NELFE: variants seen among roughly 807,000 people sequenced by gnomAD.
NELFE encodes negative elongation factor E.
NELFE carries 26 observed loss-of-function variants against 55.5 expected under a neutral mutation model. The observed-to-expected ratio is 0.47, with a 90% CI of 0.34 to 0.65. The LOEUF is 0.65. Ranked by LOEUF, NELFE falls within the 30% of genes least tolerant of loss-of-function variation. The pLI, the probability that NELFE is intolerant of heterozygous loss-of-function variation, is 0.01. For synonymous variants in NELFE, 162 were observed against 178.0 expected (o/e 0.91, Z 0.72); for missense variants, 403 against 506.9 (o/e 0.80, Z 1.97).
At position 31,954,951 on chromosome 6, in the gene NELFE, T is replaced by C; in HGVS notation, c.405-59A>G. ...TTTTACCTTCTCCCCTCAGACCCTG[T>C]GGAGACTCAATATTCCCTCTATAGC... is the stretch of plus-strand genomic sequence containing the variant. On this transcript the variant is annotated intron_variant, in intron 6 of 10. Coordinates refer to ENST00000375429, the MANE Select transcript of NELFE (RefSeq NM_002904.6). This position sits in a 1 kb window ranked among gnomAD's most constrained non-coding sequence, Gnocchi z 5.5. 1 of 1,606,376 alleles carries C rather than the reference T, an allele frequency of 6.2e-7. No homozygotes were observed. The highest frequency in any genetic ancestry group is 1.3e-5 in the African/African-American group (1 of 74,686).
rs1296726243 is a variant in NELFE at position 31,954,850 on chromosome 6, A to G, written c.447T>C (p.Asp149=). ...SSDRLRELGP[D]GEEAEGPGAG... is the part of the protein sequence containing the mutation. ...CCCCTGGGCCCTCTGCCTCTTCTCC[A>G]TCTGGTCCTAGTTCTCGAAGTCGAT... Residue 149 remains aspartate (D), a synonymous_variant, in exon 7 of 11, where the codon GAT becomes GAC. Transcript: ENST00000375429. This position sits in a 1 kb window ranked among gnomAD's most constrained non-coding sequence, Gnocchi z 5.5. 6.3e-7 allele frequency: 1 copy of G among 1,576,594 alleles called. No homozygotes were observed. The highest frequency in any genetic ancestry group is 8.6e-7 in the Non-Finnish European group (1 of 1,163,682).
chr6:31,956,859 G>C (rs763960201), intron 3 of NELFE, 21 bp from the exon 4 acceptor site: 1 of 1,613,058 alleles, frequency 6.2e-7, no homozygotes, highest in Non-Finnish European at 8.5e-7. Context: ...AAGGGGAAGA[G>C]GCATTATGTT....
At position 31,956,819 on chromosome 6, in the gene NELFE, G is replaced by A. The variant is rs1211587481; in HGVS notation, c.165C>T (p.Val55=). The change falls in exon 4 of 11, where the codon GTC becomes GTT. Residue 55 remains valine, a synonymous_variant. Transcript: ENST00000375429. ...GCTCTGTTGCTGTGGCTGTGTCCAT[G>A]ACAGGCTGCTCTGATAGTGCTGGAG... The part of the protein sequence containing the change: ...GVKRSLSEQP[V]MDTATATEQA... The A allele has an allele frequency of 1.2e-6, 2 of 1,613,046 alleles. No homozygotes were observed. The highest frequency in any genetic ancestry group is 2.2e-5 in the East Asian group (1 of 44,884).
Position 31,953,796 on chromosome 6 carries a change from T to C in NELFE, c.978A>G (p.Lys326=). 2 of 1,613,064 alleles carry C rather than the reference T, an allele frequency of 1.2e-6. No individual in the cohort carries two copies. The highest frequency in any genetic ancestry group is 1.7e-6 in the Non-Finnish European group (2 of 1,180,022). Residue 326 remains lysine, a synonymous_variant, in exon 10 of 11, where the codon AAA becomes AAG. Coordinates refer to ENST00000375429, the MANE Select transcript of NELFE (RefSeq NM_002904.6). ...TGGGCTGTTTTCGGGCTATGTTGACTTTGAGCTGTACAGACTCCACCTGGG... is the reference window on the plus strand; with the variant it reads ...TGGGCTGTTTTCGGGCTATGTTGACCTTGAGCTGTACAGACTCCACCTGGG... The part of the protein sequence containing the change: ...NGTQVESVQL[K]VNIARKQPML...
At chr6:31,955,710 G>A (rs560940638) in intron 4 of NELFE, among the ~76,000 whole-genome samples, 7 of 150,082 alleles carry the variant, frequency 4.7e-5, no homozygotes, top group Non-Finnish European at 7.4e-5. Flanking sequence ...CTCCTACCTC[G>A]GCCTCCTAAA....
In NELFE at chr6:31,954,288, T is replaced by A; in HGVS notation, c.887+10A>T. ...CAGGACTTCTCATCATGCCCTGTTG[T>A]CATCCTTACTTTCTGGGTGGGTCCA... is the stretch of plus-strand genomic sequence containing the variant. On this transcript the variant is annotated intron_variant, in intron 8 of 10. Coordinates refer to ENST00000375429, the MANE Select transcript of NELFE (RefSeq NM_002904.6). This position sits in a 1 kb window ranked among gnomAD's most constrained non-coding sequence, Gnocchi z 5.5. The A allele has an allele frequency of 6.2e-7, 1 of 1,608,754 alleles. No homozygotes were observed. Among genetic ancestry groups the A allele is most frequent in the Non-Finnish European group, 8.5e-7 (1 of 1,177,392 alleles).
chr6:31,953,760 G>A lies in NELFE; in HGVS notation c.1014C>T (p.Ala338=), dbSNP rs776071070. 1.4e-5 allele frequency: 22 copies of A among 1,612,906 alleles called. No individual in the cohort carries two copies. The highest frequency in any genetic ancestry group is 8.3e-5 in the Admixed American group (5 of 59,994). Reference sequence around the variant, plus strand: ...AGCCCCAGACAGACTTGCCAGTAGCGGCATCCAGCATGGGCTGTTTTCGGG... The same window carrying A: ...AGCCCCAGACAGACTTGCCAGTAGCAGCATCCAGCATGGGCTGTTTTCGGG... ...NIARKQPMLD[A]ATGKSVWGSL... is the part of the protein sequence containing the mutation. Residue 338 remains alanine (A), a synonymous_variant, in exon 10 of 11, where the codon GCC becomes GCT. Coordinates refer to ENST00000375429, the MANE Select transcript of NELFE (RefSeq NM_002904.6).
Position 31,953,835 on chromosome 6 carries a change from A to C in NELFE, c.943-4T>G, listed in dbSNP as rs1412206413. 6.2e-7 allele frequency: 1 copy of C among 1,612,086 alleles called. No individual in the cohort carries two copies. The highest frequency in any genetic ancestry group is 8.5e-7 in the Non-Finnish European group (1 of 1,179,226). ...ACTCCACCTGGGTCCCGTTGAGCTG[A>C]AGCAGAAGAGGGGAGGCAGAGGATG... On this transcript the variant is annotated splice_polypyrimidine_tract_variant and splice_region_variant and intron_variant, in intron 9 of 10. Transcript: ENST00000375429.
At chr6:31,958,201 G>A (rs1772209643) in intron 2 of NELFE, 171 bp downstream of exon 2, 1 of 641,384 alleles carries the variant, frequency 1.6e-6, no homozygotes, top group Non-Finnish European at 2.8e-6. Context: ...AGAAAAGACA[G>A]AAGGTCCACA....
chr6:31,952,255 G>T lies in NELFE; in HGVS notation c.*46C>A. Reference sequence around the variant, plus strand: ...AGCTTCCACCTCAGTGTTTTACTGAGACCAGCATTGGGGCATATGAGGCAC... The same window carrying T: ...AGCTTCCACCTCAGTGTTTTACTGATACCAGCATTGGGGCATATGAGGCAC... On this transcript the variant is annotated 3_prime_UTR_variant, in exon 11 of 11. Transcript: ENST00000375429. 6.6e-7 allele frequency: 1 copy of T among 1,522,610 alleles called. No homozygotes were observed. Among genetic ancestry groups the T allele is most frequent in the Non-Finnish European group, 9.1e-7 (1 of 1,101,272 alleles). The allele number at this position is 1,522,610 out of a possible 1,614,324, so 94.3% of individuals were successfully genotyped here.
chr6:31,957,214 C>T (rs1454808067), intron 2 of NELFE: 1 of 618,804 alleles, frequency 1.6e-6, no homozygotes, highest in African/African-American at 1.8e-5. Flanking sequence ...CCACGGAACC[C>T]AGAGGTTTTC....
chr6:31,957,324 T>A, intron 2 of NELFE: 1 of 587,288 alleles, frequency 1.7e-6, no homozygotes, highest in Non-Finnish European at 3.2e-6. Context: ...GTGCCTTTCC[T>A]GGAAGCTTCA....
chr6:31,955,421 C>G, intron 4 of NELFE, 128 bp from the exon 5 acceptor site: 1 of 589,998 alleles, frequency 1.7e-6, no homozygotes, highest in African/African-American at 1.9e-5. Context: ...ATTCTACATA[C>G]ATTTCTTATT....
At position 31,954,601 on chromosome 6, in the gene NELFE, CCTGTCCCGTTCCCGGTCT is replaced by C. The variant is rs1226939702; in HGVS notation, c.678_695del (p.Glu235_Arg240del). 1 of 1,597,800 alleles carries C rather than the reference CCTGTCCCGTTCCCGGTCT, an allele frequency of 6.3e-7. No homozygotes were observed. The highest frequency in any genetic ancestry group is 8.5e-7 in the Non-Finnish European group (1 of 1,172,208). On this transcript the variant is annotated inframe_deletion, in exon 7 of 11. Coordinates refer to ENST00000375429, the MANE Select transcript of NELFE (RefSeq NM_002904.6). The surrounding 1 kb of genome is among the most constrained non-coding windows in gnomAD (Gnocchi z 5.5). ...CTCGGTCTCGATCCCGCTCCCGATC[CCTGTCCCGTTCCCGGTCT>C]CGATCTCGATCCCGATCCCGATCCC...
intron 1 of NELFE, chr6:31,958,663 A>G (rs1772246798): frequency 1.4e-6 from 1 of 703,560 alleles, no homozygotes; most frequent in Non-Finnish European, 2.6e-6. Context: ...GATCACAGAC[A>G]CCAGCACCTT....
intron 2 of NELFE, chr6:31,957,477 A>G (rs1237943626): frequency 6.5e-6 from 3 of 458,698 alleles, no homozygotes; most frequent in South Asian, 4.7e-5. Context: ...CAATTATAAG[A>G]GGTGCAGATT....
intron 2 of NELFE, 128 bp from the exon 3 acceptor site, chr6:31,957,138 T>G: frequency 1.2e-6 from 1 of 805,352 alleles, no homozygotes. Context: ...TACACTGATG[T>G]GCTCTGCCTC....
rs984590754 is a variant in NELFE, at chr6:31,958,923, C to A, written c.-40G>T. ...GGGCGGCAACCGGGGGCCCCACGGT[C>A]TCCGGCCGCGCCCGCGCTGGCCGCT... is the stretch of plus-strand genomic sequence containing the variant. On this transcript the variant is annotated 5_prime_UTR_variant, in exon 1 of 11. Coordinates refer to ENST00000375429, the MANE Select transcript of NELFE (RefSeq NM_002904.6). 1 of 594,578 alleles carries A rather than the reference C, an allele frequency of 1.7e-6. No homozygotes were observed. The highest frequency in any genetic ancestry group is 1.9e-5 in the African/African-American group (1 of 53,684). The allele number at this position is 594,578 out of a possible 1,614,324, so 36.8% of individuals were successfully genotyped here.
chr6:31,952,473 C>T, intron 10 of NELFE, 75 bp from the exon 11 acceptor site: 2 of 1,103,966 alleles, frequency 1.8e-6, no homozygotes, highest in Non-Finnish European at 2.6e-6. Context: ...CTCCTGACCA[C>T]CTCACTCCTG....
Sources: gnomAD v4.1 joint callset for allele counts (sites outside exome capture counted in the v4.1 genomes callset) on GRCh38, gnomAD v4.1.1 for gene constraint, Gnocchi (gnomAD v3.1) non-coding constraint, MANE v1.5 for transcripts, NCBI Gene and HGNC (gene_info 2026-07-23, HGNC 2026-07-21) for gene names.